Variants in XRN1 observed in about 807,000 individuals in gnomAD.
XRN1 encodes 5'-3' exoribonuclease 1, also known as strand-exchange protein 1 homolog.
XRN1 carries 67 observed loss-of-function variants against 222.3 expected under a neutral mutation model. That is an observed-to-expected ratio of 0.30 (90% CI 0.25 to 0.37). The LOEUF (loss-of-function observed/expected upper bound fraction) is 0.37, where lower values mean the gene tolerates loss of function less well. XRN1 is among the 10% of genes least tolerant of loss of function. XRN1 has a pLI of 1.00. For synonymous variants in XRN1, 643 were observed against 652.4 expected, an observed-to-expected ratio of 0.99 and a Z score of 0.22; for missense variants, 1,707 against 2,000.2, an observed-to-expected ratio of 0.85 and a Z score of 2.80.
In XRN1 at chr3:142,371,225, T is replaced by C. The variant is rs780574337; in HGVS notation, c.3068+14A>G. 6.9e-6 allele frequency: 11 copies of C among 1,600,448 alleles called. No homozygotes were observed. The highest frequency in any genetic ancestry group is 6.6e-5 in the South Asian group (6 of 90,264). On this transcript the variant is annotated intron_variant, in intron 26 of 40. Coordinates refer to ENST00000392981, the MANE Select transcript of XRN1 (RefSeq NM_001282857.2). ...TTGAACTATGAGGTAATAAATATCA[T>C]AAATCTTGCTTACCCATTCTCATTT...
At chr3:142,313,106 G>A in intron 39 of XRN1, 1 of 1,591,904 alleles carries the variant, frequency 6.3e-7, no homozygotes, top group Non-Finnish European at 8.5e-7. Context: ...AAAAGCTTGG[G>A]CACAAATAGA....
intron 32 of XRN1, among the ~76,000 whole-genome samples, chr3:142,354,510 A>C (rs1253545528): frequency 6.6e-6 from 1 of 152,228 alleles, no homozygotes; most frequent in African/African-American, 2.4e-5. Context: ...ACAATAGCAA[A>C]GACATGGACT....
chr3:142,318,479 C>T (rs1345226049), intron 39 of XRN1, 113 bp downstream of exon 39: 1 of 1,001,236 alleles, frequency 1.0e-6, no homozygotes, highest in Non-Finnish European at 1.5e-6. Context: ...TTTAGGCTTT[C>T]TCACAATTTC....
intron 30 of XRN1, among the ~76,000 whole-genome samples, chr3:142,359,485 T>C (rs1385677918): frequency 6.6e-6 from 1 of 152,180 alleles, no homozygotes; most frequent in South Asian, 2.1e-4. Flanking sequence ...GCAAATGTCA[T>C]TATTCCCCCC....
intron 35 of XRN1, 58 bp downstream of exon 35, chr3:142,332,909 C>A: frequency 1.3e-6 from 2 of 1,596,310 alleles, no homozygotes; most frequent in South Asian, 1.1e-5. Flanking sequence ...TGGGATATGT[C>A]TGCATGGTCA....
rs2107836575 is a variant in XRN1 at position 142,309,389 on chromosome 3, A to G, written c.*2122T>C. On this transcript the variant is annotated 3_prime_UTR_variant, in exon 41 of 41. Transcript: ENST00000392981. ...AAGGCATGTGCCATCACGCCCGGCT[A>G]ATTTTTGTATTTTTAGTAGAGACAG... 6.6e-6 allele frequency: 1 copy of G among 152,140 alleles called. No homozygotes were observed. The highest frequency in any genetic ancestry group is 3.4e-3 in the Middle Eastern group (1 of 294). 9.4% of individuals were successfully genotyped at this position (152,140 alleles called of 1,614,324 possible). A position where few individuals can be genotyped will look rare whatever the true frequency, so the allele number is the denominator to read the frequency against.
intron 13 of XRN1, among the ~76,000 whole-genome samples, chr3:142,415,097 T>C (rs1029256279): frequency 6.6e-6 from 1 of 152,204 alleles, no homozygotes; most frequent in Non-Finnish European, 1.5e-5. Flanking sequence ...TAAGAACTTT[T>C]ATCTTTGAAT....
intron 39 of XRN1, among the ~76,000 whole-genome samples, chr3:142,317,659 G>A (rs1185611497): frequency 6.6e-6 from 1 of 152,138 alleles, no homozygotes; most frequent in East Asian, 1.9e-4. Context: ...GAGGGAAGAC[G>A]GGGGTAGTCT....
chr3:142,348,258 C>T (rs1186373925), intron 32 of XRN1, among the ~76,000 whole-genome samples: 1 of 152,120 alleles, frequency 6.6e-6, no homozygotes, highest in Non-Finnish European at 1.5e-5. Flanking sequence ...TGTTAGCACA[C>T]TTACATTCCC....
intron 34 of XRN1, among the ~76,000 whole-genome samples, chr3:142,333,932 G>T (rs898139217): frequency 6.6e-6 from 1 of 152,044 alleles, no homozygotes; most frequent in African/African-American, 2.4e-5. Context: ...CTTGATCTTG[G>T]ACTTCTCAGA....
At position 142,441,030 on chromosome 3, in the gene XRN1, A is replaced by G. The variant is rs547034081; in HGVS notation, c.75+6840T>C. On this transcript the variant is annotated intron_variant, in intron 1 of 40. Transcript: ENST00000392981. ...GCCCATTCAGAAACCTTGTGCCACC[A>G]AGCCACCCAAGCGCTCTTAAATTTC... Among the ~76,000 whole-genome samples the G allele has an allele frequency of 3.6e-3, 551 of 152,314 alleles. 2 individuals carry two copies. The highest frequency in any genetic ancestry group is 0.013 in the African/African-American group (533 of 41,566).
intron 37 of XRN1, among the ~76,000 whole-genome samples, chr3:142,319,590 A>G (rs948444609): frequency 6.6e-6 from 1 of 152,146 alleles, no homozygotes; most frequent in Non-Finnish European, 1.5e-5. Context: ...ATAGTGGTGA[A>G]GTATGGACTT....
intron 39 of XRN1, 152 bp from the exon 40 acceptor site, chr3:142,312,910 C>A: frequency 1.1e-6 from 1 of 925,344 alleles, no homozygotes; most frequent in Non-Finnish European, 1.6e-6. Context: ...CTCTTCCTTA[C>A]AACATTCAAC....
At chr3:142,406,741 T>TGG (rs966451514) in intron 15 of XRN1, among the ~76,000 whole-genome samples, 1 of 151,566 alleles carries the variant, frequency 6.6e-6, no homozygotes, top group Non-Finnish European at 1.5e-5. Context: ...TTGCCCAGGG[T>TGG]GGGCTTGAAC....
intron 18 of XRN1, among the ~76,000 whole-genome samples, chr3:142,403,300 C>T (rs1212837264): frequency 6.6e-6 from 1 of 152,100 alleles, no homozygotes; most frequent in African/African-American, 2.4e-5. Context: ...TAATATATGA[C>T]ATTTTTGACT....
chr3:142,328,026 T>C (rs2065569349), intron 37 of XRN1, among the ~76,000 whole-genome samples: 2 of 152,222 alleles, frequency 1.3e-5, no homozygotes, highest in Admixed American at 1.3e-4. Flanking sequence ...CTGAACAATA[T>C]TCCATTGTGT....
chr3:142,386,198 T>C (rs1410915061), intron 20 of XRN1, among the ~76,000 whole-genome samples: 1 of 151,980 alleles, frequency 6.6e-6, no homozygotes, highest in Admixed American at 6.6e-5. Flanking sequence ...AATCTTGATA[T>C]CAACAGCTGA....
chr3:142,429,858 T>C (rs918935601), intron 2 of XRN1: 2 of 152,226 alleles, frequency 1.3e-5, no homozygotes, highest in Non-Finnish European at 2.9e-5. Flanking sequence ...AGTATGTCTG[T>C]ATATTTCAGC....
At chr3:142,402,942 G>A (rs922296251) in intron 18 of XRN1, among the ~76,000 whole-genome samples, 1 of 152,074 alleles carries the variant, frequency 6.6e-6, no homozygotes, top group African/African-American at 2.4e-5. Flanking sequence ...TACTTCTGAA[G>A]TTTATGTCTC....
Sources: gnomAD v4.1 joint callset for allele counts (sites outside exome capture counted in the v4.1 genomes callset) on GRCh38, gnomAD v4.1.1 for gene constraint, MANE v1.5 for transcripts, NCBI Gene and HGNC (gene_info 2026-07-23, HGNC 2026-07-21) for gene names.